MCAT: variants seen among roughly 807,000 people sequenced by gnomAD.
MCAT encodes malonyl-CoA-acyl carrier protein transacylase, mitochondrial.
In MCAT, 22 loss-of-function variants were observed where a neutral mutation model predicts 22.9. The observed-to-expected ratio is 0.96, with a 90% CI of 0.69 to 1.37. The LOEUF (loss-of-function observed/expected upper bound fraction) is 1.37. MCAT is among the 40% of genes most tolerant of loss of function. MCAT has a pLI of 0.00. For missense variants in MCAT, 534 were observed against 533.6 expected, an observed-to-expected ratio of 1.00 and a Z score of -0.01; for synonymous variants, 240 against 233.9, an observed-to-expected ratio of 1.03 and a Z score of -0.24.
chr22:43,135,510 C>CAAAA (rs1300123609), intron 3 of MCAT, among the ~76,000 whole-genome samples: 824 of 76,362 alleles, frequency 0.011, 26 homozygotes, highest in African/African-American at 0.028. Flanking sequence ...TCTCAAAAAA[C>CAAAA]AAAAAAAAAA....
At chr22:43,142,807 A>C in intron 1 of MCAT, 119 bp downstream of exon 1, 5 of 1,109,156 alleles carry the variant, frequency 4.5e-6, no homozygotes, top group Non-Finnish European at 6.0e-6. Flanking sequence ...AAAAAAAAAA[A>C]CTCGATCGAA....
intron 1 of MCAT, 120 bp from the exon 2 acceptor site, chr22:43,141,369 G>T: frequency 1.3e-6 from 1 of 786,964 alleles, no homozygotes. Flanking sequence ...TACGAACTTG[G>T]TGCACCAGCT....
chr22:43,135,305 C>A (rs1388683303), intron 3 of MCAT, among the ~76,000 whole-genome samples: 1 of 152,170 alleles, frequency 6.6e-6, no homozygotes, highest in Non-Finnish European at 1.5e-5. Context: ...GGGTTCAAGA[C>A]CAGCCTGACC....
intron 2 of MCAT, among the ~76,000 whole-genome samples, chr22:43,140,254 T>C (rs1190629593): frequency 6.6e-6 from 1 of 152,196 alleles, no homozygotes; most frequent in African/African-American, 2.4e-5. Flanking sequence ...CGTGGCTCAC[T>C]GCAGCCTCAG....
At position 43,137,130 on chromosome 22, in the gene MCAT, A is replaced by G. The variant is rs1381628060; in HGVS notation, c.680T>C (p.Val227Ala). Reference protein sequence around the residue: ...SLGIENPVCEVSNYLFPDCRV... With the variant: ...SLGIENPVCEASNYLFPDCRV... ...GCAATCTGGAAAGAGGTAGTTGGAC[A>G]CTTCACATACGGGGTTCTCTATGCC... is the stretch of plus-strand genomic sequence containing the variant. The change falls in exon 3 of 4, where the codon GTG becomes GCG. Residue 227 changes from valine to alanine, a missense_variant. Transcript: ENST00000290429. 6 of 1,614,034 alleles carry G rather than the reference A, an allele frequency of 3.7e-6. No homozygotes were observed. The highest frequency in any genetic ancestry group is 5.1e-6 in the Non-Finnish European group (6 of 1,180,044).
chr22:43,132,890 T>C lies in MCAT; in HGVS notation c.*153A>G, dbSNP rs1164684974. On this transcript the variant is annotated 3_prime_UTR_variant, in exon 4 of 4. Transcript: ENST00000290429. ...GGTCATGTAAAGAAATACTCATTTT[T>C]AGGGCTTTTTATGTGGCCTTCAAAG... 6 of 653,082 alleles carry C rather than the reference T, an allele frequency of 9.2e-6. No homozygotes were observed. The highest frequency in any genetic ancestry group is 1.8e-5 in the African/African-American group (1 of 54,826). The allele number at this position is 653,082 out of a possible 1,614,324, so 40.5% of individuals were successfully genotyped here. A position where few individuals can be genotyped will look rare whatever the true frequency, so the allele number is the denominator to read the frequency against.
intron 3 of MCAT, among the ~76,000 whole-genome samples, chr22:43,134,947 C>A (rs553989806): frequency 6.6e-6 from 1 of 152,342 alleles, no homozygotes; most frequent in South Asian, 2.1e-4. Flanking sequence ...CCTGGAGCAT[C>A]TGTGGTCTCA....
rs1480103353 is a variant in MCAT, at chr22:43,135,515, A to AC, written c.729+1565_729+1566insG. On this transcript the variant is annotated intron_variant, in intron 3 of 3. Coordinates refer to ENST00000290429, the MANE Select transcript of MCAT (RefSeq NM_173467.5). ...TAAGACATTGTCTCAAAAAACAAAA[A>AC]AAAAAAAAAAAAAAATCAAAAGGAT... 3.1e-4 allele frequency among the ~76,000 whole-genome samples: 47 copies of AC among 150,600 alleles called. 1 individual carries two copies. In the South Asian group the frequency reaches 4.6e-3, roughly 15 times the overall value.
rs773185629 is a variant in MCAT at position 43,141,097 on chromosome 22, A to T, written c.511+65T>A. ...GAGTGGGTCCAGTATCATTTTTGGCAGTGTCCCTTACCCCTAATGAGCCCA... is the reference window on the plus strand; with the variant it reads ...GAGTGGGTCCAGTATCATTTTTGGCTGTGTCCCTTACCCCTAATGAGCCCA... On this transcript the variant is annotated intron_variant, in intron 2 of 3. Coordinates refer to ENST00000290429, the MANE Select transcript of MCAT (RefSeq NM_173467.5). 3.8e-6 allele frequency: 5 copies of T among 1,330,226 alleles called. No homozygotes were observed. The Admixed American group carries it at 8.4e-5, about 22-fold the overall frequency. 82.4% of individuals were successfully genotyped at this position (1,330,226 alleles called of 1,614,324 possible).
chr22:43,137,702 A>G (rs1930658609), intron 2 of MCAT, among the ~76,000 whole-genome samples: 1 of 151,370 alleles, frequency 6.6e-6, no homozygotes, highest in African/African-American at 2.4e-5. Context: ...CTTGCCCCCA[A>G]CAAAACAAAT....
chr22:43,141,374 C>T (rs1930764191), intron 1 of MCAT, 125 bp from the exon 2 acceptor site: 1 of 758,054 alleles, frequency 1.3e-6, no homozygotes, highest in African/African-American at 1.7e-5. Context: ...ACTTGGTGCA[C>T]CAGCTGGAAG....
intron 2 of MCAT, among the ~76,000 whole-genome samples, chr22:43,140,665 T>C (rs746128866): frequency 2.0e-5 from 3 of 152,084 alleles, no homozygotes; most frequent in Non-Finnish European, 4.4e-5. Flanking sequence ...TTGTTTTTTG[T>C]TGGGGGCAGA....
At chr22:43,141,018 C>T (rs776486991) in intron 2 of MCAT, 144 bp downstream of exon 2, 2 of 662,174 alleles carry the variant, frequency 3.0e-6, no homozygotes, top group Non-Finnish European at 5.5e-6. Flanking sequence ...ACAGCAAAGC[C>T]CTGTCCTCAT....
intron 2 of MCAT, among the ~76,000 whole-genome samples, chr22:43,140,012 A>C (rs1340107565): frequency 6.6e-6 from 1 of 152,194 alleles, no homozygotes; most frequent in African/African-American, 2.4e-5. Context: ...AATTCACATA[A>C]AATATAATTA....
chr22:43,134,094 T>C (rs1286097435), intron 3 of MCAT, among the ~76,000 whole-genome samples: 2 of 152,244 alleles, frequency 1.3e-5, no homozygotes, highest in South Asian at 2.1e-4. Flanking sequence ...ACTCCTTTCA[T>C]AATTTTTGAC....
chr22:43,132,953 G>GAGCCATTAGGAAGGTAGGGGGCGAC lies in MCAT; in HGVS notation c.*65_*89dup, dbSNP rs1285977038. The GAGCCATTAGGAAGGTAGGGGGCGAC allele has an allele frequency of 1.7e-6, 2 of 1,209,592 alleles. No individual in the cohort carries two copies. Among genetic ancestry groups the GAGCCATTAGGAAGGTAGGGGGCGAC allele is most frequent in the Non-Finnish European group, 2.4e-6 (2 of 850,392 alleles). 74.9% of individuals were successfully genotyped at this position (1,209,592 alleles called of 1,614,324 possible). A position where few individuals can be genotyped will look rare whatever the true frequency, so the allele number is the denominator to read the frequency against. On this transcript the variant is annotated 3_prime_UTR_variant, in exon 4 of 4. Coordinates refer to ENST00000290429, the MANE Select transcript of MCAT (RefSeq NM_173467.5). ...AAATCCCTTTCACTCCTCAGAGGAG[G>GAGCCATTAGGAAGGTAGGGGGCGAC]AGCCATTAGGAAGGTAGGGGGCGAC...
intron 3 of MCAT, among the ~76,000 whole-genome samples, chr22:43,136,638 A>C (rs1930620643): frequency 6.6e-6 from 1 of 152,208 alleles, no homozygotes; most frequent in African/African-American, 2.4e-5. Context: ...ATGTTTGGGG[A>C]AGTAGCAAAT....
In MCAT at chr22:43,137,152, T is replaced by C; in HGVS notation, c.658A>G (p.Ile220Val). 6.2e-7 allele frequency: 1 copy of C among 1,614,164 alleles called. No homozygotes were observed. The highest frequency in any genetic ancestry group is 1.3e-5 in the African/African-American group (1 of 75,052). The change falls in exon 3 of 4, where the codon ATA becomes GTA. Residue 220 changes from isoleucine to valine, a missense_variant. Ile to Val is a conservative substitution (Grantham distance 29). Coordinates refer to ENST00000290429, the MANE Select transcript of MCAT (RefSeq NM_173467.5). Reference sequence around the variant, plus strand: ...GACACTTCACATACGGGGTTCTCTATGCCTAAAGACTTGCAGTGTTCCCGG... The same window carrying C: ...GACACTTCACATACGGGGTTCTCTACGCCTAAAGACTTGCAGTGTTCCCGG... ...EAREHCKSLGIENPVCEVSNY... is the reference protein window; with the variant it reads ...EAREHCKSLGVENPVCEVSNY...
chr22:43,133,033 C>A lies in MCAT; in HGVS notation c.*10G>T, dbSNP rs375002311. The A allele has an allele frequency of 4.4e-5, 70 of 1,608,302 alleles. No homozygotes were observed. Among genetic ancestry groups the A allele is most frequent in the Admixed American group, 6.7e-5 (4 of 59,362 alleles). On this transcript the variant is annotated 3_prime_UTR_variant, in exon 4 of 4. Transcript: ENST00000290429. Reference sequence around the variant, plus strand: ...GACAGAGGGGGTCATCGCATTTGAGCCCCCTGCAGTCATCTCGGGGGCTCC... The same window carrying A: ...GACAGAGGGGGTCATCGCATTTGAGACCCCTGCAGTCATCTCGGGGGCTCC...
Sources: allele counts gnomAD v4.1 joint callset (sites outside exome capture counted in the v4.1 genomes callset), GRCh38; gene constraint gnomAD v4.1.1; transcripts MANE v1.5; gene names NCBI Gene and HGNC (gene_info 2026-07-23, HGNC 2026-07-21).